The following UTP6 variants were observed in gnomAD, a reference collection of about 807,000 sequenced individuals.
The protein encoded by UTP6 is U3 small nucleolar RNA-associated protein 6 homolog.
Under a neutral mutation model 96.5 loss-of-function variants are expected in UTP6, and 60 were observed. That is an observed-to-expected ratio of 0.62 (90% CI 0.51 to 0.77). The LOEUF is 0.77. Among genes scored for constraint, UTP6 ranks in the 30% least tolerant of loss-of-function variants. The probability of loss-of-function intolerance (pLI) is 0.00; values close to 1 mark genes in which losing one functional copy is unlikely to be tolerated. For missense variants in UTP6, 637 were observed against 706.5 expected (o/e 0.90, Z 1.12); for synonymous variants, 215 against 240.1 (o/e 0.90, Z 0.96).
At chr17:31,863,784 T>C in intron 18 of UTP6, among the ~76,000 whole-genome samples, 1 of 152,064 alleles carries the variant, frequency 6.6e-6, no homozygotes, top group East Asian at 1.9e-4. Flanking sequence ...CTTACTACAG[T>C]CTCAACCTCC....
rs547359213 is a variant in UTP6, at chr17:31,862,267, C to A, written c.*1092G>T. ...CCGAGATGGAGCCACTGCACTCCAG[C>A]CTGGATGACAGAGCAAGGCTCCATC... On this transcript the variant is annotated 3_prime_UTR_variant, in exon 19 of 19. Transcript: ENST00000261708. The A allele has an allele frequency of 6.6e-6, 1 of 151,930 alleles. No homozygotes were observed. The highest frequency in any genetic ancestry group is 1.9e-4 in the East Asian group (1 of 5,166). 9.4% of individuals were successfully genotyped at this position (151,930 alleles called of 1,614,324 possible).
In UTP6 at chr17:31,861,535, G is replaced by T. The variant is rs1282304344; in HGVS notation, c.*1824C>A. The T allele has an allele frequency of 6.6e-6, 1 of 151,844 alleles. No homozygotes were observed. The highest frequency in any genetic ancestry group is 1.5e-5 in the Non-Finnish European group (1 of 68,014). 9.4% of individuals were successfully genotyped at this position (151,844 alleles called of 1,614,324 possible). ...AGAGGCTGAGGTGGGAGGATCTCTT[G>T]AGCCCAGAAGTTAAGGCTGTAGTGA... is the stretch of plus-strand genomic sequence containing the variant. On this transcript the variant is annotated 3_prime_UTR_variant, in exon 19 of 19. Transcript: ENST00000261708.
intron 2 of UTP6, among the ~76,000 whole-genome samples, chr17:31,896,646 T>A (rs918835170): frequency 2.7e-5 from 4 of 150,120 alleles, no homozygotes; most frequent in East Asian, 1.9e-4. Flanking sequence ...AGAAAAAAAT[T>A]TTTTTTTTTT....
At chr17:31,875,942 T>A (rs1257392237) in intron 13 of UTP6, among the ~76,000 whole-genome samples, 2 of 152,174 alleles carry the variant, frequency 1.3e-5, no homozygotes, top group Non-Finnish European at 2.9e-5. Flanking sequence ...CTATTTTCAC[T>A]GCTCCTACCC....
intron 11 of UTP6, 147 bp downstream of exon 11, chr17:31,880,426 A>T (rs1910755124): frequency 2.4e-5 from 4 of 166,906 alleles, no homozygotes; most frequent in Non-Finnish European, 3.4e-5. Flanking sequence ...GCCTCCCAAT[A>T]AAAAAAAAAA....
At position 31,863,122 on chromosome 17, in the gene UTP6, C is replaced by G. The variant is rs924868091; in HGVS notation, c.*237G>C. The G allele has an allele frequency of 1.8e-4, 86 of 484,354 alleles. 1 individual carries two copies. The Admixed American group carries it at 3.0e-3, about 17-fold the overall frequency. The allele number at this position is 484,354 out of a possible 1,614,324, so 30.0% of individuals were successfully genotyped here. A position where few individuals can be genotyped will look rare whatever the true frequency, so the allele number is the denominator to read the frequency against. Reference sequence around the variant, plus strand: ...TCAGGAGTCTGAGGTGAGAAGGTCACTTGAGTCCAGGAGTTCAAGACCAGC... The same window carrying G: ...TCAGGAGTCTGAGGTGAGAAGGTCAGTTGAGTCCAGGAGTTCAAGACCAGC... On this transcript the variant is annotated 3_prime_UTR_variant, in exon 19 of 19. Coordinates refer to ENST00000261708, the MANE Select transcript of UTP6 (RefSeq NM_018428.3).
At position 31,884,485 on chromosome 17, in the gene UTP6, G is replaced by GTTT. The variant is rs1202036348; in HGVS notation, c.723_724insAAA (p.Ser241_Leu242insLys). ...TCAAATAGCTGTGCAATCGAAAGCA[G>GTTT]TGACACGTGAAATTCTGCACCTAAA... On this transcript the variant is annotated inframe_insertion, in exon 10 of 19. Transcript: ENST00000261708. 6.2e-7 allele frequency: 1 copy of GTTT among 1,611,882 alleles called. No homozygotes were observed. The highest frequency in any genetic ancestry group is 1.3e-5 in the African/African-American group (1 of 74,888).
At chr17:31,898,988 C>T (rs6505268) in intron 2 of UTP6, among the ~76,000 whole-genome samples, 15,119 of 149,104 alleles carry the variant, frequency 0.1, 1,403 homozygotes, top group African/African-American at 0.26. Flanking sequence ...GCCAAGATCG[C>T]GCCACTGCAC....
chr17:31,873,617 C>A (rs1253736304), intron 15 of UTP6, 56 bp downstream of exon 15: 62 of 1,612,332 alleles, frequency 3.8e-5, no homozygotes. Flanking sequence ...AGCTGACCAA[C>A]CAGGGAACCT....
intron 6 of UTP6, 49 bp downstream of exon 6, chr17:31,892,211 G>T (rs919221349): frequency 1.3e-6 from 2 of 1,586,596 alleles, no homozygotes; most frequent in Non-Finnish European, 1.7e-6. Context: ...ATCCAAAATG[G>T]CTTGAGTCTA....
chr17:31,876,337 T>C lies in UTP6; in HGVS notation c.1126-924A>G, dbSNP rs1249292193. Reference sequence around the variant, plus strand: ...CAGGCGTGAGCCACCATGCCCAGCATATAAGTTTTTAATAAAACAGTTCAC... The same window carrying C: ...CAGGCGTGAGCCACCATGCCCAGCACATAAGTTTTTAATAAAACAGTTCAC... On this transcript the variant is annotated intron_variant, in intron 13 of 18. Transcript: ENST00000261708. 3.5e-5 allele frequency among the ~76,000 whole-genome samples: 5 copies of C among 143,044 alleles called. No individual in the cohort carries two copies. The East Asian group carries it at 9.7e-4, about 28-fold the overall frequency. 93.8% of individuals were successfully genotyped at this position (143,044 alleles called of 152,430 possible).
rs780055608 is a variant in UTP6 at position 31,880,590 on chromosome 17, A to C, written c.950T>G (p.Val317Gly). The C allele has an allele frequency of 1.5e-5, 24 of 1,614,018 alleles. No individual in the cohort carries two copies. The highest frequency in any genetic ancestry group is 1.2e-4 in the Admixed American group (7 of 59,970). Residue 317 changes from valine (V) to glycine (G), a missense_variant, in exon 11 of 19, where the codon GTG becomes GGG. Coordinates refer to ENST00000261708, the MANE Select transcript of UTP6 (RefSeq NM_018428.3). Reference sequence around the variant, plus strand: ...AAGTTCACCTGTTGGCAGAGTCTTCACTGCCTCTTCATACACAGCACAGCA... The same window carrying C: ...AAGTTCACCTGTTGGCAGAGTCTTCCCTGCCTCTTCATACACAGCACAGCA... ...ERCCAVYEEA[V>G]KTLPTEAMWK...
intron 18 of UTP6, among the ~76,000 whole-genome samples, chr17:31,864,476 T>A (rs989496595): frequency 1.3e-5 from 2 of 152,234 alleles, no homozygotes; most frequent in African/African-American, 2.4e-5. Flanking sequence ...AAGTATGTTG[T>A]ACAAGTCCTA....
At chr17:31,879,439 G>A (rs180773135) in intron 11 of UTP6, among the ~76,000 whole-genome samples, 28 of 151,984 alleles carry the variant, frequency 1.8e-4, no homozygotes, top group African/African-American at 6.8e-4. Flanking sequence ...GGAGGCCGAG[G>A]CATGCAGATC....
In UTP6 at chr17:31,901,637, G is replaced by A. The variant is rs2074101; in HGVS notation, c.-10C>T. On this transcript the variant is annotated 5_prime_UTR_variant, in exon 1 of 19. Transcript: ENST00000261708. ...GAATTATCTCTGCCATGAGGTCCGA[G>A]GTCTACAACCCCGCGGGTAGCTTCT... is the stretch of plus-strand genomic sequence containing the variant. 0.23 allele frequency: 371,740 copies of A among 1,612,494 alleles called. 45,347 individuals carry two copies. The highest frequency in any genetic ancestry group is 0.41 in the African/African-American group (30,867 of 74,870).
At chr17:31,883,913 C>T (rs2142309397) in intron 10 of UTP6, among the ~76,000 whole-genome samples, 1 of 151,778 alleles carries the variant, frequency 6.6e-6, no homozygotes, top group East Asian at 2.0e-4. Flanking sequence ...AAGGGATCCA[C>T]CTGCCTTGGC....
chr17:31,887,656 C>T (rs1003043666), intron 7 of UTP6: 1 of 159,340 alleles, frequency 6.3e-6, no homozygotes, highest in Non-Finnish European at 1.4e-5. Flanking sequence ...CCAGGCTTAA[C>T]TTTCATTTAA....
In UTP6 at chr17:31,901,586, C is replaced by T; in HGVS notation, c.42G>A (p.Pro14=). 2 of 1,613,998 alleles carry T rather than the reference C, an allele frequency of 1.2e-6. No homozygotes were observed. Among genetic ancestry groups the T allele is most frequent in the Non-Finnish European group, 1.7e-6 (2 of 1,180,030 alleles). ...IIQERIEDRL[P]ELEQLERIGL... is the part of the protein sequence containing the mutation. ...CAATGCGCTCCAGCTGTTCCAATTC[C>T]GGGAGCCGATCTTCTATGCGTTCCT... The change falls in exon 1 of 19, where the codon CCG becomes CCA. Residue 14 remains proline (P), a synonymous_variant. Coordinates refer to ENST00000261708, the MANE Select transcript of UTP6 (RefSeq NM_018428.3).
chr17:31,898,307 C>T (rs933705533), intron 2 of UTP6, among the ~76,000 whole-genome samples: 43 of 152,072 alleles, frequency 2.8e-4, no homozygotes, highest in African/African-American at 9.2e-4. Flanking sequence ...GAGGCCGAGG[C>T]GGGTGGATCA....
Sources: gnomAD v4.1 joint callset for allele counts (sites outside exome capture counted in the v4.1 genomes callset) on GRCh38, gnomAD v4.1.1 for gene constraint, MANE v1.5 for transcripts, NCBI Gene and HGNC (gene_info 2026-07-23, HGNC 2026-07-21) for gene names.